The following SPSB1 variants were observed in gnomAD, a reference collection of about 807,000 sequenced individuals.
SPSB1 encodes the protein SPRY domain-containing SOCS box protein 1.
In SPSB1, 8 loss-of-function variants were observed where a neutral mutation model predicts 21.2. That is an observed-to-expected ratio of 0.38 (90% CI 0.22 to 0.68). The LOEUF is 0.68. SPSB1 is among the 30% of genes least tolerant of loss of function. The pLI is 0.53. For synonymous variants in SPSB1, 169 were observed against 161.7 expected (o/e 1.05, Z -0.34); for missense variants, 242 against 377.8 (o/e 0.64, Z 2.98).
rs1639630967 is a variant in SPSB1 at position 9,317,222 on chromosome 1, G to A, written c.-150+24151G>A. Among the ~76,000 whole-genome samples the A allele has an allele frequency of 6.6e-6, 1 of 152,204 alleles. No homozygotes were observed. The highest frequency in any genetic ancestry group is 2.4e-5 in the African/African-American group (1 of 41,458). On this transcript the variant is annotated intron_variant, in intron 1 of 2. Transcript: ENST00000328089. This position sits in a 1 kb window ranked among gnomAD's most constrained non-coding sequence, Gnocchi z 4.3. ...AATCTGGGAAGGCTTCCTGGAGGAG[G>A]TGATGCTGAAACTGGGCCTTGGGAT...
intron 1 of SPSB1, among the ~76,000 whole-genome samples, chr1:9,354,489 G>C (rs867124518): frequency 7.2e-5 from 11 of 152,188 alleles, no homozygotes; most frequent in Middle Eastern, 6.8e-3. Context: ...ATGGCAGAAA[G>C]AAACTTCTCT....
intron 1 of SPSB1, among the ~76,000 whole-genome samples, chr1:9,309,262 GA>G (rs1639474327): frequency 7.5e-6 from 1 of 134,106 alleles, no homozygotes; most frequent in Non-Finnish European, 1.6e-5. Flanking sequence ...CTCCCCTGCG[GA>G]GAGAGAGAGA....
intron 1 of SPSB1, among the ~76,000 whole-genome samples, chr1:9,326,548 G>A (rs919361162): frequency 6.6e-6 from 1 of 152,224 alleles, no homozygotes; most frequent in Non-Finnish European, 1.5e-5. Context: ...TGGACTGGTG[G>A]GGGAGGGCTT....
chr1:9,307,870 G>A (rs1045121419), intron 1 of SPSB1, among the ~76,000 whole-genome samples: 19 of 152,224 alleles, frequency 1.2e-4, no homozygotes, highest in East Asian at 3.9e-4. Flanking sequence ...TTCGGGGTGC[G>A]CGTGGCCCCT....
chr1:9,366,527 C>T (rs138111636), intron 2 of SPSB1, among the ~76,000 whole-genome samples: 48 of 151,424 alleles, frequency 3.2e-4, no homozygotes, highest in African/African-American at 1.1e-3. Flanking sequence ...GATCCCAGCC[C>T]TGAACCTTGG....
In SPSB1 at chr1:9,329,280, G is replaced by A. The variant is rs149501005; in HGVS notation, c.-149-26463G>A. Among the ~76,000 whole-genome samples, 55 of 152,202 alleles carry A rather than the reference G, an allele frequency of 3.6e-4. 2 individuals carry two copies. The South Asian group carries it at 0.011, about 30-fold the overall frequency. ...GGAGAGGGAGGAAAGGTGAGATCCC[G>A]GATGGGTGGATGGGTGGACAGGTGG... On this transcript the variant is annotated intron_variant, in intron 1 of 2. Transcript: ENST00000328089.
At chr1:9,294,663 G>C (rs1459031134) in intron 1 of SPSB1, 7 of 152,202 alleles carry the variant, frequency 4.6e-5, no homozygotes, top group South Asian at 2.1e-4. Context: ...AGTTTTAACA[G>C]GTGTTCATGG....
intron 1 of SPSB1, among the ~76,000 whole-genome samples, chr1:9,343,989 C>T (rs919219323): frequency 3.9e-5 from 6 of 152,076 alleles, no homozygotes; most frequent in Admixed American, 1.3e-4. Context: ...GGGGTTTCAC[C>T]GTGTTAGCCA....
intron 1 of SPSB1, among the ~76,000 whole-genome samples, chr1:9,355,077 C>T (rs371536331): frequency 2.6e-5 from 4 of 152,184 alleles, no homozygotes; most frequent in African/African-American, 9.7e-5. Context: ...GGGATGAGCC[C>T]CCCTTGCTGT....
At position 9,292,956 on chromosome 1, in the gene SPSB1, CGCCGGG is replaced by C. The variant is rs375287923; in HGVS notation, c.-254_-249del. 980,288 of 982,226 alleles carry C rather than the reference CGCCGGG, an allele frequency of 1. 489,179 individuals are homozygous for C. The highest frequency in any genetic ancestry group is 1 in the African/African-American group (56,921 of 56,938). 60.8% of individuals were successfully genotyped at this position (982,226 alleles called of 1,614,324 possible). On this transcript the variant is annotated 5_prime_UTR_variant, in exon 1 of 3. Transcript: ENST00000328089. Reference sequence around the variant, plus strand: ...GCAGGAACCAGGCTCCAGGCGCCGGCGCCGGGGCCGGGGCCGCGGGGAGGAGGCGAC... The same window carrying C: ...GCAGGAACCAGGCTCCAGGCGCCGGCGCCGGGGCCGCGGGGAGGAGGCGAC...
chr1:9,351,640 G>A (rs1389242548), intron 1 of SPSB1: 1 of 152,282 alleles, frequency 6.6e-6, no homozygotes, highest in Non-Finnish European at 1.5e-5. Flanking sequence ...GGGACCCGCA[G>A]AAAGGGTGGA....
In SPSB1 at chr1:9,317,731, C is replaced by T. The variant is rs1420168966; in HGVS notation, c.-150+24660C>T. Among the ~76,000 whole-genome samples, 1 of 152,202 alleles carries T rather than the reference C, an allele frequency of 6.6e-6. No individual in the cohort carries two copies. The highest frequency in any genetic ancestry group is 2.4e-5 in the African/African-American group (1 of 41,440). On this transcript the variant is annotated intron_variant, in intron 1 of 2. Transcript: ENST00000328089. The surrounding 1 kb of genome is among the most constrained non-coding windows in gnomAD (Gnocchi z 4.3). ...CTCCTGAGCTGAAGCAGTCCACCCT[C>T]CTTGGCCTCCCAGAGTGTTGGGATT...
At position 9,369,293 on chromosome 1, in the gene SPSB1, T is replaced by C. The variant is rs1333134395; in HGVS notation, c.*1718T>C. ...TTCAGGTGGGTCACATTCTGATGAA[T>C]GTTTCCCTTGTACAGATCCCAGCTT... is the stretch of plus-strand genomic sequence containing the variant. On this transcript the variant is annotated 3_prime_UTR_variant, in exon 3 of 3. Transcript: ENST00000328089. 2.6e-5 allele frequency: 4 copies of C among 151,972 alleles called. No individual in the cohort carries two copies. Among genetic ancestry groups the C allele is most frequent in the African/African-American group, 9.7e-5 (4 of 41,340 alleles). The allele number at this position is 151,972 out of a possible 1,614,324, so 9.4% of individuals were successfully genotyped here.
At chr1:9,318,527 G>C (rs1639650838) in intron 1 of SPSB1, among the ~76,000 whole-genome samples, 1 of 152,216 alleles carries the variant, frequency 6.6e-6, no homozygotes, top group Non-Finnish European at 1.5e-5. Context: ...CCCTGAGTTT[G>C]GAATCTGGCT....
chr1:9,322,320 T>G (rs548968975), intron 1 of SPSB1, among the ~76,000 whole-genome samples: 1 of 152,260 alleles, frequency 6.6e-6, no homozygotes, highest in East Asian at 1.9e-4. Context: ...GTTCGGAAAG[T>G]CTCTCAGGTT....
chr1:9,299,556 T>C (rs933360961), intron 1 of SPSB1, among the ~76,000 whole-genome samples: 1 of 152,138 alleles, frequency 6.6e-6, no homozygotes, highest in Non-Finnish European at 1.5e-5. Flanking sequence ...CTCGGCTCAC[T>C]GCAACCTCCG....
At chr1:9,334,312 T>C (rs1264593017) in intron 1 of SPSB1, among the ~76,000 whole-genome samples, 4 of 151,960 alleles carry the variant, frequency 2.6e-5, no homozygotes, top group African/African-American at 9.7e-5. Context: ...TCTCGAACTC[T>C]TGACCTCAGG....
intron 2 of SPSB1, among the ~76,000 whole-genome samples, chr1:9,366,576 TC>T (rs1219607587): frequency 1.3e-4 from 18 of 142,476 alleles, no homozygotes; most frequent in African/African-American, 5.0e-4. Context: ...TGTCCTCAGT[TC>T]TTTTTTTTTT....
At chr1:9,308,150 G>A (rs1294040) in intron 1 of SPSB1, among the ~76,000 whole-genome samples, 110,083 of 152,166 alleles carry the variant, frequency 0.72, 40,914 homozygotes, top group African/African-American at 0.86. Context: ...TCCAAGACAT[G>A]TCAGGCCCAA....
Sources: gnomAD v4.1 joint callset for allele counts (sites outside exome capture counted in the v4.1 genomes callset) on GRCh38, gnomAD v4.1.1 for gene constraint, Gnocchi (gnomAD v3.1) non-coding constraint, MANE v1.5 for transcripts, NCBI Gene and HGNC (gene_info 2026-07-23, HGNC 2026-07-21) for gene names.